Variants in TRAK2 observed in about 807,000 individuals in gnomAD.
TRAK2 encodes the protein trafficking kinesin protein 2.
In TRAK2, 81 loss-of-function variants were observed where a neutral mutation model predicts 104.6. The observed-to-expected ratio is 0.77, with a 90% CI of 0.65 to 0.93. TRAK2 has a LOEUF of 0.93. Ranked by LOEUF, TRAK2 falls within the 40% of genes least tolerant of loss-of-function variation. TRAK2 has a pLI of 0.00. For synonymous variants in TRAK2, 406 were observed against 394.4 expected (o/e 1.03, Z -0.35); for missense variants, 1,002 against 1,089.0 (o/e 0.92, Z 1.12).
intron 2 of TRAK2, chr2:201,412,965 ACAC>A: frequency 1.3e-6 from 1 of 771,002 alleles, no homozygotes; most frequent in Non-Finnish European, 2.4e-6. Flanking sequence ...TCTGTACACA[ACAC>A]CAAGCAATCC....
rs546719335 is a variant in TRAK2, at chr2:201,391,074, T to C, written c.1114-1194A>G. On this transcript the variant is annotated intron_variant, in intron 10 of 15. Transcript: ENST00000332624. ...GGGACTAGAAGCCACAATACTCTAG[T>C]AGCAATCAATGGGCACACCTAACAC... Among the ~76,000 whole-genome samples, 3 of 152,272 alleles carry C rather than the reference T, an allele frequency of 2.0e-5. No homozygotes were observed. The South Asian group carries it at 6.2e-4, about 32-fold the overall frequency.
chr2:201,395,135 A>T (rs547840251), intron 8 of TRAK2, 179 bp downstream of exon 8: 2 of 636,676 alleles, frequency 3.1e-6, no homozygotes, highest in African/African-American at 1.8e-5. Flanking sequence ...TAATGACTTG[A>T]AAGTATTTAT....
chr2:201,419,699 G>C (rs1197146261), intron 2 of TRAK2, among the ~76,000 whole-genome samples: 1 of 152,066 alleles, frequency 6.6e-6, no homozygotes, highest in African/African-American at 2.4e-5. Flanking sequence ...GTATTTTATT[G>C]TATCTTCATA....
At chr2:201,404,387 G>A (rs980069119) in intron 3 of TRAK2, among the ~76,000 whole-genome samples, 41 of 152,164 alleles carry the variant, frequency 2.7e-4, no homozygotes, top group African/African-American at 9.2e-4. Flanking sequence ...TCAGGGAGAC[G>A]ATAGATATTT....
At chr2:201,420,757 G>A in intron 1 of TRAK2, 51 bp from the exon 2 acceptor site, 1 of 340,864 alleles carries the variant, frequency 2.9e-6, no homozygotes, top group Non-Finnish European at 5.4e-6. Flanking sequence ...TTTAACAACA[G>A]GAATCTAATT....
rs1339729074 is a variant in TRAK2, at chr2:201,392,893, T to G, written c.1113+16A>C. On this transcript the variant is annotated intron_variant, in intron 10 of 15. Coordinates refer to ENST00000332624, the MANE Select transcript of TRAK2 (RefSeq NM_015049.3). ...CAAATTTCTTTAAATACATAGCATC[T>G]TTCTTAGTTGCTTACCCCAGTAAAA... is the stretch of plus-strand genomic sequence containing the variant. 1.2e-6 allele frequency: 2 copies of G among 1,604,974 alleles called. No homozygotes were observed. The highest frequency in any genetic ancestry group is 2.2e-5 in the East Asian group (1 of 44,758).
At chr2:201,420,741 A>G (rs1951733703) in intron 1 of TRAK2, 35 bp from the exon 2 acceptor site, 1 of 404,434 alleles carries the variant, frequency 2.5e-6, no homozygotes, top group Admixed American at 4.0e-5. Flanking sequence ...AGAACTCAGC[A>G]TGCTCTTTAA....
chr2:201,449,587 C>T (rs932910155), intron 1 of TRAK2, among the ~76,000 whole-genome samples: 2 of 149,126 alleles, frequency 1.3e-5, no homozygotes, highest in East Asian at 2.0e-4. Context: ...TGGGTTCAAG[C>T]GATTCTCCTG....
chr2:201,449,619 G>A (rs944193357), intron 1 of TRAK2, among the ~76,000 whole-genome samples: 6 of 151,502 alleles, frequency 4.0e-5, no homozygotes, highest in Non-Finnish European at 7.4e-5. Context: ...TCAGTAGCTG[G>A]GACTGCAGGC....
chr2:201,386,078 TA>T, intron 14 of TRAK2, 139 bp downstream of exon 14: 1 of 889,748 alleles, frequency 1.1e-6, no homozygotes, highest in Non-Finnish European at 1.7e-6. Context: ...GGAATGCCAC[TA>T]ATGCTATAGA....
intron 1 of TRAK2, among the ~76,000 whole-genome samples, chr2:201,440,774 C>T (rs1444213327): frequency 6.6e-6 from 1 of 152,142 alleles, no homozygotes. Context: ...GAGTCATATC[C>T]TACTGCTCAA....
chr2:201,409,417 A>G (rs1375772300), intron 2 of TRAK2, among the ~76,000 whole-genome samples: 2 of 152,214 alleles, frequency 1.3e-5, no homozygotes, highest in African/African-American at 2.4e-5. Context: ...CAACCTCAGA[A>G]GTTTGAATTT....
In TRAK2 at chr2:201,398,303, C is replaced by T. The variant is rs377126277; in HGVS notation, c.532G>A (p.Val178Ile). ...LCKKDELLRIVSIASEESETD... is the reference protein window; with the variant it reads ...LCKKDELLRIISIASEESETD... ...TCACTTTCTTCAGAAGCAATGGAGA[C>T]GATTCGAAGTAACTCATCTTTCTTG... Residue 178 changes from valine to isoleucine, a missense_variant, in exon 6 of 16, where the codon GTC becomes ATC. Coordinates refer to ENST00000332624, the MANE Select transcript of TRAK2 (RefSeq NM_015049.3). 25 of 1,613,518 alleles carry T rather than the reference C, an allele frequency of 1.5e-5. 1 individual carries two copies. Among genetic ancestry groups the T allele is most frequent in the African/African-American group, 1.1e-4 (8 of 74,870 alleles).
At chr2:201,424,389 T>A (rs917281443) in intron 1 of TRAK2, among the ~76,000 whole-genome samples, 1 of 152,134 alleles carries the variant, frequency 6.6e-6, no homozygotes, top group African/African-American at 2.4e-5. Flanking sequence ...TGATACATTT[T>A]AAAAAAACAG....
chr2:201,436,305 T>A (rs1951879613), intron 1 of TRAK2, among the ~76,000 whole-genome samples: 1 of 152,130 alleles, frequency 6.6e-6, no homozygotes, highest in African/African-American at 2.4e-5. Context: ...CTAAAATATG[T>A]ACTGTACTTC....
chr2:201,419,948 C>T (rs985107227), intron 2 of TRAK2, among the ~76,000 whole-genome samples: 2 of 152,080 alleles, frequency 1.3e-5, no homozygotes. Flanking sequence ...GTTTGGTGGG[C>T]AAATGAGTTT....
chr2:201,387,494 CT>C (rs1951401947), intron 13 of TRAK2, among the ~76,000 whole-genome samples: 1 of 152,182 alleles, frequency 6.6e-6, no homozygotes, highest in South Asian at 2.1e-4. Context: ...CAGAAGAGAA[CT>C]GCTGGCTGAT....
intron 1 of TRAK2, among the ~76,000 whole-genome samples, chr2:201,421,475 C>T (rs1430304504): frequency 1.3e-5 from 2 of 152,104 alleles, no homozygotes; most frequent in Non-Finnish European, 2.9e-5. Flanking sequence ...ATTGTAGGAT[C>T]TTTTACCCAC....
chr2:201,398,371 C>G lies in TRAK2; in HGVS notation c.481-17G>C, dbSNP rs757199069. 1 of 1,599,728 alleles carries G rather than the reference C, an allele frequency of 6.3e-7. No individual in the cohort carries two copies. Among genetic ancestry groups the G allele is most frequent in the Non-Finnish European group, 8.6e-7 (1 of 1,168,788 alleles). ...CTGATTAACCTGTCCATATAAAATG[C>G]TTGATTTTCATGTTCTTTATTTTGC... On this transcript the variant is annotated splice_polypyrimidine_tract_variant and intron_variant, in intron 5 of 15. Coordinates refer to ENST00000332624, the MANE Select transcript of TRAK2 (RefSeq NM_015049.3).
Sources: allele counts gnomAD v4.1 joint callset (sites outside exome capture counted in the v4.1 genomes callset), GRCh38; gene constraint gnomAD v4.1.1; transcripts MANE v1.5; gene names NCBI Gene and HGNC (gene_info 2026-07-23, HGNC 2026-07-21).